The following LARP1B variants were observed in gnomAD, a reference collection of about 807,000 sequenced individuals.
The protein encoded by LARP1B is La ribonucleoprotein 1B.
Under a neutral mutation model 114.2 loss-of-function variants are expected in LARP1B, and 76 were observed. The observed-to-expected ratio is 0.67, with a 90% CI of 0.55 to 0.81. The LOEUF (loss-of-function observed/expected upper bound fraction) is 0.81. Ranked by LOEUF, LARP1B falls within the 30% of genes least tolerant of loss-of-function variation. The probability of loss-of-function intolerance (pLI) is 0.00; values close to 1 mark genes in which losing one functional copy is unlikely to be tolerated. For missense variants in LARP1B, 1,014 were observed against 1,075.8 expected, an observed-to-expected ratio of 0.94 and a Z score of 0.80; for synonymous variants, 345 against 348.0, an observed-to-expected ratio of 0.99 and a Z score of 0.10.
At chr4:128,190,477 G>A (rs1042713356) in intron 15 of LARP1B, among the ~76,000 whole-genome samples, 2 of 152,052 alleles carry the variant, frequency 1.3e-5, no homozygotes, top group Admixed American at 1.3e-4. Flanking sequence ...GTCTCATCTC[G>A]AATTGTAATT....
chr4:128,129,164 C>CAAAAAAAAAAAAAAAAAA (rs559312234), intron 11 of LARP1B, among the ~76,000 whole-genome samples: 1 of 49,142 alleles, frequency 2.0e-5, no homozygotes, highest in Non-Finnish European at 3.5e-5. Context: ...GACTCTGTCT[C>CAAAAAAAAAAAAAAAAAA]AAAAAAAAAA....
Position 128,210,308 on chromosome 4 carries a change from A to G in LARP1B, c.*255A>G. On this transcript the variant is annotated 3_prime_UTR_variant, in exon 20 of 20. Coordinates refer to ENST00000326639, the MANE Select transcript of LARP1B (RefSeq NM_018078.4). ...ATAGTCTTGGTGACCTTTTATAGAG[A>G]TCTTCTAGTAATGTATTTTGATCTC... 1 of 1,251,788 alleles carries G rather than the reference A, an allele frequency of 8.0e-7. No homozygotes were observed. Among genetic ancestry groups the G allele is most frequent in the Non-Finnish European group, 1.0e-6 (1 of 994,302 alleles). The allele number at this position is 1,251,788 out of a possible 1,614,324, so 77.5% of individuals were successfully genotyped here.
chr4:128,122,291 A>G, intron 11 of LARP1B, 103 bp downstream of exon 11: 2 of 1,523,202 alleles, frequency 1.3e-6, no homozygotes, highest in Non-Finnish European at 1.8e-6. Context: ...GAAATGTTGA[A>G]TATAAATACA....
chr4:128,219,987 G>A (rs1759877859), intron 6 of LARP1B, among the ~76,000 whole-genome samples: 1 of 152,150 alleles, frequency 6.6e-6, no homozygotes, highest in Admixed American at 6.5e-5. Context: ...CCAGGTTCAA[G>A]CGATTCTCCT....
chr4:128,152,647 T>G (rs182190392), intron 11 of LARP1B, among the ~76,000 whole-genome samples: 16 of 151,980 alleles, frequency 1.1e-4, no homozygotes, highest in Non-Finnish European at 1.6e-4. Flanking sequence ...AAAGAAGAAC[T>G]TTCCTCTCCA....
intron 2 of LARP1B, 146 bp from the exon 3 acceptor site, chr4:128,074,788 A>C (rs1296921144): frequency 1.7e-6 from 1 of 579,140 alleles, no homozygotes; most frequent in Non-Finnish European, 3.0e-6. Context: ...TGTTTGCAGA[A>C]ACTTTTTGAT....
At chr4:128,216,651 A>G (rs1329227992), downstream of LARP1B, among the ~76,000 whole-genome samples, 2 of 149,594 alleles carry the variant, frequency 1.3e-5, no homozygotes, top group Non-Finnish European at 3.0e-5. Flanking sequence ...AGCAGTGTGT[A>G]GAGGGAAATT....
intron 11 of LARP1B, chr4:128,123,833 A>G (rs1447829513): frequency 3.4e-6 from 1 of 294,896 alleles, no homozygotes. Flanking sequence ...TCCTTAAATT[A>G]TAGACAATAA....
downstream of LARP1B, among the ~76,000 whole-genome samples, chr4:128,216,597 G>A (rs1177922559): frequency 4.0e-5 from 6 of 150,438 alleles, no homozygotes; most frequent in South Asian, 2.1e-4. Flanking sequence ...TGAAACCAAC[G>A]AGAACAAAGA....
intron 17 of LARP1B, among the ~76,000 whole-genome samples, chr4:128,203,022 AC>A (rs1279386056): frequency 6.6e-6 from 1 of 151,646 alleles, no homozygotes; most frequent in African/African-American, 2.4e-5. Context: ...ACATGGCAAA[AC>A]CCCGTCTCTT....
chr4:128,156,169 G>A, intron 11 of LARP1B: 1 of 1,610,176 alleles, frequency 6.2e-7, no homozygotes, highest in Non-Finnish European at 8.5e-7. Flanking sequence ...CCCATCCTCT[G>A]ACCCCCTTGG....
intron 1 of LARP1B, among the ~76,000 whole-genome samples, chr4:128,065,253 A>ATTTCTC (rs1761991015): frequency 1.1e-5 from 1 of 89,544 alleles, no homozygotes; most frequent in African/African-American, 4.2e-5. Flanking sequence ...CCCACAATTA[A>ATTTCTC]TTTCTTTCTT....
intron 9 of LARP1B, chr4:128,108,858 A>G (rs1050868533): frequency 2.0e-6 from 2 of 978,892 alleles, no homozygotes; most frequent in Admixed American, 6.2e-5. Flanking sequence ...ATGCCTGTCC[A>G]TTAACCATTT....
chr4:128,115,162 T>A lies in LARP1B; in HGVS notation c.1161+420T>A, dbSNP rs554400558. Among the ~76,000 whole-genome samples the A allele has an allele frequency of 5.6e-4, 85 of 152,258 alleles. 1 individual carries two copies. The East Asian group carries it at 0.014, about 25-fold the overall frequency. On this transcript the variant is annotated intron_variant, in intron 10 of 19. Transcript: ENST00000326639. ...CATGTTGGTCAGGCTGGTCTTGAAC[T>A]CCTGACCTCATGATCCGCCCGCCTC...
rs1581317913 is a variant in LARP1B, at chr4:128,176,876, T to C, written c.1653T>C (p.Gly551=). 6.2e-7 allele frequency: 1 copy of C among 1,613,482 alleles called. No homozygotes were observed. Among genetic ancestry groups the C allele is most frequent in the Non-Finnish European group, 8.5e-7 (1 of 1,179,728 alleles). ...ACTAATTAACTCTCTTGGCAGGAGG[T>C]GTTCAAGGAGTGCTTCACATTCCCA... is the stretch of plus-strand genomic sequence containing the variant. ...PVAPSQSRQG[G]VQGVLHIPKK... is the part of the protein sequence containing the mutation. Residue 551 remains glycine, a synonymous_variant, in exon 13 of 20, where the codon GGT becomes GGC. Coordinates refer to ENST00000326639, the MANE Select transcript of LARP1B (RefSeq NM_018078.4).
intron 1 of LARP1B, among the ~76,000 whole-genome samples, chr4:128,068,719 T>C (rs1352239239): frequency 6.6e-6 from 1 of 152,084 alleles, no homozygotes; most frequent in Admixed American, 6.6e-5. Context: ...AGATTCCTTT[T>C]TTTCCCTCTT....
At chr4:128,108,135 G>C in intron 9 of LARP1B, 1 of 1,316,848 alleles carries the variant, frequency 7.6e-7, no homozygotes, top group Non-Finnish European at 9.6e-7. Context: ...CTTTTTATAG[G>C]AGCTGCCTAT....
At chr4:128,184,518 G>A (rs1430384372) in intron 15 of LARP1B, among the ~76,000 whole-genome samples, 1 of 152,126 alleles carries the variant, frequency 6.6e-6, no homozygotes, top group Admixed American at 6.6e-5. Context: ...TCAAATCAGG[G>A]TAATGGGGAT....
chr4:128,156,304 C>T (rs1735639046), intron 11 of LARP1B: 1 of 719,398 alleles, frequency 1.4e-6, no homozygotes, highest in Non-Finnish European at 2.4e-6. Context: ...ATACCCAACT[C>T]CAGCAGCTGC....
Sources: gnomAD v4.1 joint callset for allele counts (sites outside exome capture counted in the v4.1 genomes callset) on GRCh38, gnomAD v4.1.1 for gene constraint, MANE v1.5 for transcripts, NCBI Gene and HGNC (gene_info 2026-07-23, HGNC 2026-07-21) for gene names.